The following FMOD variants were observed in gnomAD, a reference collection of about 807,000 sequenced individuals.
FMOD encodes the protein fibromodulin.
In FMOD, 15 loss-of-function variants were observed where a neutral mutation model predicts 27.0. The observed-to-expected ratio is 0.55, with a 90% CI of 0.37 to 0.85. The LOEUF (loss-of-function observed/expected upper bound fraction) is 0.85, where lower values mean the gene tolerates loss of function less well. Among genes scored for constraint, FMOD ranks in the 40% least tolerant of loss-of-function variants. The probability of loss-of-function intolerance (pLI) is 0.00; values close to 1 mark genes in which losing one functional copy is unlikely to be tolerated. For synonymous variants in FMOD, 210 were observed against 214.0 expected (o/e 0.98, Z 0.16); for missense variants, 460 against 483.2 (o/e 0.95, Z 0.45).
At position 203,347,537 on chromosome 1, in the gene FMOD, G is replaced by T. The variant is rs754858881; in HGVS notation, c.734C>A (p.Ala245Asp). Reference protein sequence around the residue: ...LRKVPDGLPSALEQLYMEHNN... With the variant: ...LRKVPDGLPSDLEQLYMEHNN... ...GTGCTCCATGTACAGCTGCTCAAGA[G>T]CTGAGGGCAGCCCATCAGGCACCTT... The change falls in exon 2 of 3, where the codon GCT (alanine) becomes GAT (aspartate). Residue 245 changes from alanine to aspartate, a missense_variant. Coordinates refer to ENST00000354955, the MANE Select transcript of FMOD (RefSeq NM_002023.5). 6.2e-7 allele frequency: 1 copy of T among 1,614,180 alleles called. No individual in the cohort carries two copies. Among genetic ancestry groups the T allele is most frequent in the African/African-American group, 1.3e-5 (1 of 75,022 alleles).
At chr1:203,342,698 T>C (rs965413356) in intron 2 of FMOD, among the ~76,000 whole-genome samples, 2 of 152,122 alleles carry the variant, frequency 1.3e-5, no homozygotes, top group Non-Finnish European at 2.9e-5. Context: ...TGCCTGCGTC[T>C]GCAGCTCACC....
At chr1:203,348,314 G>A (rs1316795401) in intron 1 of FMOD, 37 bp from the exon 2 acceptor site, 2 of 1,584,640 alleles carry the variant, frequency 1.3e-6, no homozygotes, top group Non-Finnish European at 8.6e-7. Flanking sequence ...AAGCCAGCAT[G>A]AGTGAGACTC....
chr1:203,341,983 G>T lies in FMOD; in HGVS notation c.*360C>A, dbSNP rs888178134. ...TCAAGTGCTGCTCACAGACAGCCAGGGATTGTTAGAAAAGTATGGTTATAT... is the reference window on the plus strand; with the variant it reads ...TCAAGTGCTGCTCACAGACAGCCAGTGATTGTTAGAAAAGTATGGTTATAT... On this transcript the variant is annotated 3_prime_UTR_variant, in exon 3 of 3. Coordinates refer to ENST00000354955, the MANE Select transcript of FMOD (RefSeq NM_002023.5). 2.2e-4 allele frequency: 42 copies of T among 187,504 alleles called. No individual in the cohort carries two copies. The highest frequency in any genetic ancestry group is 9.4e-4 in the African/African-American group (40 of 42,702). The allele number at this position is 187,504 out of a possible 1,614,324, so 11.6% of individuals were successfully genotyped here.
intron 2 of FMOD, 48 bp downstream of exon 2, chr1:203,347,244 C>A (rs768589807): frequency 3.9e-6 from 6 of 1,549,154 alleles, no homozygotes; most frequent in Admixed American, 2.0e-5. Flanking sequence ...TAGTGTCTTT[C>A]AAGTGAAATA....
At chr1:203,342,736 T>A (rs1658817383) in intron 2 of FMOD, among the ~76,000 whole-genome samples, 1 of 151,574 alleles carries the variant, frequency 6.6e-6, no homozygotes. Flanking sequence ...AACTTTACTC[T>A]GCAGGCCCAG....
At chr1:203,346,931 C>T (rs1658898662) in intron 2 of FMOD, among the ~76,000 whole-genome samples, 1 of 152,218 alleles carries the variant, frequency 6.6e-6, no homozygotes, top group Non-Finnish European at 1.5e-5. Context: ...CTGTCCCCTA[C>T]ATCGACAGGT....
chr1:203,343,717 G>A (rs1219793949), intron 2 of FMOD, among the ~76,000 whole-genome samples: 1 of 152,288 alleles, frequency 6.6e-6, no homozygotes, highest in Middle Eastern at 3.4e-3. Context: ...GTGGGGGCAG[G>A]GGGTGCTTTT....
chr1:203,347,668 G>T lies in FMOD; in HGVS notation c.603C>A (p.Asn201Lys), dbSNP rs752638614. ...TGTGTTGGAGGTACAAGGCCGTGAG[G>T]TTCTCCAGCCCCTCCAGAGCATTGT... ...VPNNALEGLE[N>K]LTALYLQHNE... is the part of the protein sequence containing the mutation. The change falls in exon 2 of 3, where the codon AAC (asparagine) becomes AAA (lysine). Residue 201 changes from asparagine (N) to lysine (K), a missense_variant. Physicochemically the swap from Asn to Lys is moderately conservative, Grantham distance 94. Transcript: ENST00000354955. 7 of 1,614,150 alleles carry T rather than the reference G, an allele frequency of 4.3e-6. No homozygotes were observed. The highest frequency in any genetic ancestry group is 2.2e-5 in the East Asian group (1 of 44,888).
At chr1:203,343,524 C>T (rs1362526476) in intron 2 of FMOD, among the ~76,000 whole-genome samples, 1 of 152,194 alleles carries the variant, frequency 6.6e-6, no homozygotes, top group Non-Finnish European at 1.5e-5. Flanking sequence ...TTGTCATTCT[C>T]TGCAAAGGGG....
Position 203,342,369 on chromosome 1 carries a change from G to T in FMOD, c.1105C>A (p.Arg369Ser), listed in dbSNP as rs764401923. The change falls in exon 3 of 3, where the codon CGC becomes AGC. Residue 369 changes from arginine to serine, a missense_variant. Coordinates refer to ENST00000354955, the MANE Select transcript of FMOD (RefSeq NM_002023.5). ...AMPADAPLCL[R>S]LASLIEI ...CAGATCTCGATGAGGCTGGCAAGGC[G>T]CAGGCAGAGGGGCGCGTCGGCAGGC... 1.2e-6 allele frequency: 2 copies of T among 1,612,862 alleles called. No individual in the cohort carries two copies. Among genetic ancestry groups the T allele is most frequent in the Non-Finnish European group, 1.7e-6 (2 of 1,179,210 alleles).
chr1:203,341,996 A>T lies in FMOD; in HGVS notation c.*347T>A, dbSNP rs1658801409. 1 of 209,708 alleles carries T rather than the reference A, an allele frequency of 4.8e-6. No individual in the cohort carries two copies. The highest frequency in any genetic ancestry group is 9.5e-6 in the Non-Finnish European group (1 of 105,448). 13.0% of individuals were successfully genotyped at this position (209,708 alleles called of 1,614,324 possible). A position where few individuals can be genotyped will look rare whatever the true frequency, so the allele number is the denominator to read the frequency against. On this transcript the variant is annotated 3_prime_UTR_variant, in exon 3 of 3. Coordinates refer to ENST00000354955, the MANE Select transcript of FMOD (RefSeq NM_002023.5). ...ACAGACAGCCAGGGATTGTTAGAAA[A>T]GTATGGTTATATACTATTGCCCATG... is the stretch of plus-strand genomic sequence containing the variant.
At chr1:203,342,545 C>T (rs780978710) in intron 2 of FMOD, 51 bp from the exon 3 acceptor site, 2 of 1,572,610 alleles carry the variant, frequency 1.3e-6, no homozygotes, top group Admixed American at 1.7e-5. Context: ...AGATTACGAA[C>T]CTGAAGCCAC....
intron 2 of FMOD, 111 bp from the exon 3 acceptor site, chr1:203,342,605 G>T: frequency 9.0e-7 from 1 of 1,106,838 alleles, no homozygotes; most frequent in Non-Finnish European, 1.3e-6. Flanking sequence ...TGGAAGTTGG[G>T]GATGGAGGGC....
In FMOD at chr1:203,347,881, C is replaced by T. The variant is rs1658919405; in HGVS notation, c.390G>A (p.Gly130=). 1 of 1,613,844 alleles carries T rather than the reference C, an allele frequency of 6.2e-7. No individual in the cohort carries two copies. Among genetic ancestry groups the T allele is most frequent in the African/African-American group, 1.3e-5 (1 of 74,884 alleles). Reference sequence around the variant, plus strand: ...TGCCGTGGAGAGCAATCCAGAGCAGCCCTGTGGCATTGTCAAAGACGCCTT... The same window carrying T: ...TGCCGTGGAGAGCAATCCAGAGCAGTCCTGTGGCATTGTCAAAGACGCCTT... ...IQEGVFDNAT[G]LLWIALHGNQ... is the part of the protein sequence containing the mutation. Residue 130 remains glycine, a synonymous_variant, in exon 2 of 3, where the codon GGG becomes GGA. Coordinates refer to ENST00000354955, the MANE Select transcript of FMOD (RefSeq NM_002023.5).
Position 203,344,895 on chromosome 1 carries a change from A to G in FMOD, c.979+2397T>C, listed in dbSNP as rs187322794. ...GTCCTTTAGGTCAGGATTCTAATCTACATCATCTGGAGGACTTTGAGAGAT... is the reference window on the plus strand; with the variant it reads ...GTCCTTTAGGTCAGGATTCTAATCTGCATCATCTGGAGGACTTTGAGAGAT... On this transcript the variant is annotated intron_variant, in intron 2 of 2. Coordinates refer to ENST00000354955, the MANE Select transcript of FMOD (RefSeq NM_002023.5). Among the ~76,000 whole-genome samples, 226 of 152,246 alleles carry G rather than the reference A, an allele frequency of 1.5e-3. 1 individual carries two copies. Among genetic ancestry groups the G allele is most frequent in the Admixed American group, 5.4e-3 (82 of 15,292 alleles).
chr1:203,349,772 C>A (rs1004432171), intron 1 of FMOD, among the ~76,000 whole-genome samples: 1 of 152,232 alleles, frequency 6.6e-6, no homozygotes, highest in Non-Finnish European at 1.5e-5. Context: ...TACCTCCTGA[C>A]CACCATCCAT....
rs376310218 is a variant in FMOD, at chr1:203,347,955, G to C, written c.316C>G (p.Arg106Gly). ...NLKYLPFVPSRMKYVYFQNNQ... is the reference protein window; with the variant it reads ...NLKYLPFVPSGMKYVYFQNNQ... ...TTCTGGAAGTACACATACTTCATGC[G>C]GGAGGGAACGAAGGGCAGGTACTTG... Residue 106 changes from arginine to glycine, a missense_variant, in exon 2 of 3, where the codon CGC becomes GGC. Transcript: ENST00000354955. 1 of 1,607,402 alleles carries C rather than the reference G, an allele frequency of 6.2e-7. No homozygotes were observed. The highest frequency in any genetic ancestry group is 1.3e-5 in the African/African-American group (1 of 74,788).
At chr1:203,350,633 A>C (rs1365925161) in intron 1 of FMOD, among the ~76,000 whole-genome samples, 2 of 151,896 alleles carry the variant, frequency 1.3e-5, no homozygotes, top group African/African-American at 4.8e-5. Context: ...CCCCTCTCCC[A>C]TAATAGCATT....
chr1:203,346,764 T>C (rs1046142962), intron 2 of FMOD, among the ~76,000 whole-genome samples: 1 of 152,138 alleles, frequency 6.6e-6, no homozygotes, highest in African/African-American at 2.4e-5. Flanking sequence ...AGTGAGTAAG[T>C]GCAGGGCTTC....
Sources: gnomAD v4.1 joint callset for allele counts (sites outside exome capture counted in the v4.1 genomes callset) on GRCh38, gnomAD v4.1.1 for gene constraint, MANE v1.5 for transcripts, NCBI Gene and HGNC (gene_info 2026-07-23, HGNC 2026-07-21) for gene names.